The following ETFA variants were observed in gnomAD, a reference collection of about 807,000 sequenced individuals.
ETFA encodes electron transfer flavoprotein subunit alpha, mitochondrial.
In ETFA, 22 loss-of-function variants were observed where a neutral mutation model predicts 46.2. The ratio of observed to expected loss-of-function variants is 0.48; its 90% CI spans 0.34 to 0.68. The LOEUF is 0.68. Among genes scored for constraint, ETFA ranks in the 30% least tolerant of loss-of-function variants. The pLI, the probability that ETFA is intolerant of heterozygous loss-of-function variation, is 0.01. For missense variants in ETFA, 345 were observed against 401.1 expected (o/e 0.86, Z 1.19); for synonymous variants, 131 against 139.9 (o/e 0.94, Z 0.45).
intron 8 of ETFA, among the ~76,000 whole-genome samples, chr15:76,282,185 T>G (rs747707505): frequency 2.3e-4 from 35 of 152,204 alleles, no homozygotes; most frequent in Non-Finnish European, 4.1e-4. Context: ...ATTACAGGTA[T>G]GAGCCACCAC....
chr15:76,219,857 T>G lies in ETFA; in HGVS notation c.964-3260A>C, dbSNP rs114801504. 5.7e-3 allele frequency among the ~76,000 whole-genome samples: 875 copies of G among 152,364 alleles called. 10 individuals are homozygous for G. The highest frequency in any genetic ancestry group is 0.02 in the African/African-American group (848 of 41,586). ...AGTGTTACTGAGGATGTGGAAAAACTGGAACCCTTGTGTACTGCTGGTGGA... is the reference window on the plus strand; with the variant it reads ...AGTGTTACTGAGGATGTGGAAAAACGGGAACCCTTGTGTACTGCTGGTGGA... On this transcript the variant is annotated intron_variant, in intron 11 of 11. Coordinates refer to ENST00000557943, the MANE Select transcript of ETFA (RefSeq NM_000126.4).
rs190010709 is a variant in ETFA at position 76,225,585 on chromosome 15, G to A, written c.963+264C>T. On this transcript the variant is annotated intron_variant, in intron 11 of 11. Coordinates refer to ENST00000557943, the MANE Select transcript of ETFA (RefSeq NM_000126.4). ...ATTACAGGTGTGAGCCACCACGCCC[G>A]GCCGCCATGTGGATATTTTAAAGAC... Among the ~76,000 whole-genome samples the A allele has an allele frequency of 8.5e-4, 130 of 152,180 alleles. 1 individual carries two copies. The East Asian group carries it at 0.015, about 17-fold the overall frequency.
intron 2 of ETFA, among the ~76,000 whole-genome samples, chr15:76,293,370 A>G (rs1350828126): frequency 6.6e-6 from 1 of 152,212 alleles, no homozygotes; most frequent in African/African-American, 2.4e-5. Flanking sequence ...TGTAAGTTCA[A>G]TGTCCTGGAA....
At chr15:76,268,189 CAAAA>C (rs57096514) in intron 9 of ETFA, among the ~76,000 whole-genome samples, 22 of 107,052 alleles carry the variant, frequency 2.1e-4, no homozygotes, top group Admixed American at 2.0e-4. Context: ...CCAGCTACAG[CAAAA>C]AAAAAAAAAA....
chr15:76,303,310 AAAAC>A (rs1287419129), intron 1 of ETFA, among the ~76,000 whole-genome samples: 3 of 152,160 alleles, frequency 2.0e-5, no homozygotes, highest in East Asian at 3.8e-4. Context: ...TCCATCTCAA[AAAAC>A]AAACAAACAA....
chr15:76,263,984 G>A (rs1168499304), intron 9 of ETFA, among the ~76,000 whole-genome samples: 1 of 152,154 alleles, frequency 6.6e-6, no homozygotes, highest in Non-Finnish European at 1.5e-5. Flanking sequence ...TCCTGTAGTT[G>A]CAACATTAAA....
chr15:76,229,781 C>T (rs2039045745), intron 10 of ETFA, among the ~76,000 whole-genome samples: 1 of 152,094 alleles, frequency 6.6e-6, no homozygotes, highest in African/African-American at 2.4e-5. Flanking sequence ...AGAAGTTAAG[C>T]CTGTTAAAAG....
At chr15:76,285,806 A>C in intron 6 of ETFA, 68 bp from the exon 7 acceptor site, 1 of 995,930 alleles carries the variant, frequency 1.0e-6, no homozygotes, top group Non-Finnish European at 1.6e-6. Flanking sequence ...ATTATTTTCA[A>C]GAGAAACACA....
At chr15:76,306,214 T>C (rs1023195208) in intron 1 of ETFA, among the ~76,000 whole-genome samples, 2 of 151,504 alleles carry the variant, frequency 1.3e-5, no homozygotes, top group African/African-American at 2.4e-5. Context: ...CCAACCATCT[T>C]TGGAAACTAG....
intron 10 of ETFA, chr15:76,227,969 G>A (rs2039021630): frequency 4.4e-6 from 2 of 456,032 alleles, no homozygotes; most frequent in Non-Finnish European, 8.8e-6. Context: ...TTTCAAACGT[G>A]AGCCTCAAAT....
chr15:76,230,887 T>G, intron 10 of ETFA: 1 of 170,064 alleles, frequency 5.9e-6, no homozygotes, highest in Non-Finnish European at 1.3e-5. Flanking sequence ...ATTGTGAGGG[T>G]TACAGGACCA....
chr15:76,232,840 A>C (rs2039083259), intron 9 of ETFA, among the ~76,000 whole-genome samples: 1 of 152,208 alleles, frequency 6.6e-6, no homozygotes, highest in Admixed American at 6.5e-5. Context: ...CTGGAGAACC[A>C]CTACAATAAG....
At chr15:76,287,659 G>C (rs977298812) in intron 5 of ETFA, 187 bp downstream of exon 5, 1 of 534,008 alleles carries the variant, frequency 1.9e-6, no homozygotes, top group African/African-American at 1.9e-5. Flanking sequence ...CTGTGTTTGC[G>C]ATCCATCAGA....
At chr15:76,274,572 CAAAG>C in intron 8 of ETFA, 78 bp from the exon 9 acceptor site, 1 of 1,118,406 alleles carries the variant, frequency 8.9e-7, no homozygotes, top group Non-Finnish European at 1.3e-6. Context: ...TAACTGTAAA[CAAAG>C]ACATTGATTT....
At chr15:76,238,475 AC>A (rs2039149994) in intron 9 of ETFA, among the ~76,000 whole-genome samples, 1 of 152,220 alleles carries the variant, frequency 6.6e-6, no homozygotes, top group Admixed American at 6.5e-5. Flanking sequence ...GCTCAAAAAA[AC>A]AATACCCCTA....
At position 76,292,618 on chromosome 15, in the gene ETFA, C is replaced by T. The variant is rs1567218409; in HGVS notation, c.268+1G>A. ...CATTTTTTTCTACTGGAAAACCTCACCTGGAAGTAGGCCTTTGTACACATC... is the reference window on the plus strand; with the variant it reads ...CATTTTTTTCTACTGGAAAACCTCATCTGGAAGTAGGCCTTTGTACACATC... On this transcript the variant is annotated splice_donor_variant, in intron 3 of 11. Transcript: ENST00000557943. LOFTEE classifies it high-confidence loss of function. 3.1e-6 allele frequency: 5 copies of T among 1,612,288 alleles called. No individual in the cohort carries two copies. The highest frequency in any genetic ancestry group is 1.3e-5 in the African/African-American group (1 of 75,020).
At chr15:76,285,565 TAAATACTAAAAATA>T in intron 7 of ETFA, 58 bp downstream of exon 7, 1 of 886,818 alleles carries the variant, frequency 1.1e-6, no homozygotes, top group Non-Finnish European at 1.9e-6. Flanking sequence ...ACTTCTAAAA[TAAATACTAAAAATA>T]AAAAAAAAAA....
At chr15:76,294,151 G>C (rs919204387) in intron 2 of ETFA, among the ~76,000 whole-genome samples, 6 of 152,190 alleles carry the variant, frequency 3.9e-5, no homozygotes, top group Non-Finnish European at 8.8e-5. Flanking sequence ...ACTGAGTACA[G>C]AAGACGATTT....
At chr15:76,302,663 A>T (rs1252822286) in intron 1 of ETFA, among the ~76,000 whole-genome samples, 1 of 152,170 alleles carries the variant, frequency 6.6e-6, no homozygotes. Context: ...ATCCTAATGT[A>T]AACTATGGAC....
Sources: gnomAD v4.1 joint callset for allele counts (sites outside exome capture counted in the v4.1 genomes callset) on GRCh38, gnomAD v4.1.1 for gene constraint, MANE v1.5 for transcripts, NCBI Gene and HGNC (gene_info 2026-07-23, HGNC 2026-07-21) for gene names.